POP1: variants seen among roughly 807,000 people sequenced by gnomAD.
The protein encoded by POP1 is POP1 ribonuclease P/MRP subunit.
Under a neutral mutation model 102.2 loss-of-function variants are expected in POP1, and 75 were observed. The ratio of observed to expected loss-of-function variants is 0.73; its 90% confidence interval spans 0.61 to 0.89. The LOEUF (loss-of-function observed/expected upper bound fraction) is 0.89. Among genes scored for constraint, POP1 ranks in the 40% least tolerant of loss-of-function variants. The probability of loss-of-function intolerance (pLI) is 0.00; values close to 1 mark genes in which losing one functional copy is unlikely to be tolerated. For synonymous variants in POP1, 436 were observed against 464.1 expected, an observed-to-expected ratio of 0.94 and a Z score of 0.78; for missense variants, 1,116 against 1,267.4, an observed-to-expected ratio of 0.88 and a Z score of 1.81.
intron 11 of POP1, among the ~76,000 whole-genome samples, chr8:98,146,018 G>A (rs1255449244): frequency 6.6e-6 from 1 of 152,190 alleles, no homozygotes; most frequent in Non-Finnish European, 1.5e-5. Flanking sequence ...GATGATATCT[G>A]TTGGCTCACC....
At chr8:98,155,909 TTGTGTGTGTGTGTGTGTG>T (rs58936294) in intron 14 of POP1, 123 bp from the exon 15 acceptor site, 849 of 519,260 alleles carry the variant, frequency 1.6e-3, no homozygotes, top group African/African-American at 4.9e-3. Context: ...TGGAAAGCTT[TTGTGTGTGTGTGTGTGTG>T]TGTGTGTGTG....
chr8:98,130,965 A>G (rs1816364008), intron 5 of POP1, among the ~76,000 whole-genome samples: 1 of 152,208 alleles, frequency 6.6e-6, no homozygotes, highest in African/African-American at 2.4e-5. Context: ...ACATACTTAG[A>G]CATTTGTTCT....
rs754703161 is a variant in POP1 at position 98,146,619 on chromosome 8, C to T, written c.1646C>T (p.Thr549Met). ...CTGGAGGGTGTGCCTGTGGAATGTA[C>T]GCATAGCTTTATCTGGAACCAAGAT... ...LLLEGVPVECTHSFIWNQDIC... is the reference protein window; with the variant it reads ...LLLEGVPVECMHSFIWNQDIC... The change falls in exon 12 of 16, where the codon ACG becomes ATG. Residue 549 changes from threonine to methionine, a missense_variant. Coordinates refer to ENST00000401707, the MANE Select transcript of POP1 (RefSeq NM_001145860.2). The T allele has an allele frequency of 1.2e-5, 20 of 1,613,828 alleles. No individual in the cohort carries two copies. The highest frequency in any genetic ancestry group is 1.6e-4 in the Middle Eastern group (1 of 6,082).
intron 2 of POP1, among the ~76,000 whole-genome samples, chr8:98,126,854 T>G (rs772120070): frequency 7.2e-5 from 11 of 152,238 alleles, no homozygotes; most frequent in Non-Finnish European, 1.3e-4. Flanking sequence ...ATCCTCAAGA[T>G]ATCTCATTTT....
rs1398737207 is a variant in POP1, at chr8:98,128,385, C to A, written c.331C>A (p.Arg111=). Residue 111 remains arginine (R), a synonymous_variant, in exon 4 of 16, where the codon CGA becomes AGA. Transcript: ENST00000401707. ...YITASTFAQA[R]AAEISAMLKA... ...AACAGCTTCTACTTTTGCTCAAGCA[C>A]GAGCTGCTGAAATCAGTGCTATGTT... The A allele has an allele frequency of 6.2e-7, 1 of 1,614,054 alleles. No individual in the cohort carries two copies. Among genetic ancestry groups the A allele is most frequent in the Non-Finnish European group, 8.5e-7 (1 of 1,180,012 alleles).
At chr8:98,122,763 T>C (rs1290556005) in intron 1 of POP1, among the ~76,000 whole-genome samples, 1 of 152,222 alleles carries the variant, frequency 6.6e-6, no homozygotes, top group African/African-American at 2.4e-5. Flanking sequence ...TAATAGGTTA[T>C]AACATTCATT....
intron 14 of POP1, among the ~76,000 whole-genome samples, chr8:98,154,507 G>A (rs1273262): frequency 6.6e-6 from 1 of 151,388 alleles, no homozygotes; most frequent in African/African-American, 2.5e-5. Flanking sequence ...AGCTGGAGCA[G>A]GTGTTGGCAG....
intron 11 of POP1, among the ~76,000 whole-genome samples, chr8:98,142,609 A>G (rs1816740009): frequency 6.6e-6 from 1 of 152,144 alleles, no homozygotes; most frequent in African/African-American, 2.4e-5. Context: ...AGTATTTGCC[A>G]ATTTGCTTTG....
chr8:98,141,464 T>G (rs1457867971), intron 11 of POP1, among the ~76,000 whole-genome samples: 1 of 152,228 alleles, frequency 6.6e-6, no homozygotes, highest in Non-Finnish European at 1.5e-5. Flanking sequence ...TCATTGTATT[T>G]ACTGTCATTT....
intron 7 of POP1, 73 bp from the exon 8 acceptor site, chr8:98,136,409 A>G: frequency 6.7e-7 from 1 of 1,488,950 alleles, no homozygotes; most frequent in Non-Finnish European, 9.1e-7. Context: ...TTTAAAAAAA[A>G]AAACCCAACT....
At chr8:98,157,520 A>C (rs1465308220) in intron 15 of POP1, 97 bp from the exon 16 acceptor site, 14 of 1,384,896 alleles carry the variant, frequency 1.0e-5, no homozygotes, top group Non-Finnish European at 1.4e-5. Flanking sequence ...ATATAGTATA[A>C]AAGAATCAAA....
chr8:98,127,446 C>A, intron 2 of POP1, 149 bp from the exon 3 acceptor site: 1 of 903,214 alleles, frequency 1.1e-6, no homozygotes, highest in Non-Finnish European at 1.7e-6. Flanking sequence ...ACGTAAGATT[C>A]CTCTTTAAAA....
intron 14 of POP1, among the ~76,000 whole-genome samples, chr8:98,152,442 C>A (rs62522207): frequency 1.3e-5 from 2 of 152,062 alleles, no homozygotes; most frequent in African/African-American, 4.8e-5. Context: ...GTGGAGCCCT[C>A]GGTCTCCATG....
chr8:98,154,499 C>G (rs1586252713), intron 14 of POP1, among the ~76,000 whole-genome samples: 1 of 151,688 alleles, frequency 6.6e-6, no homozygotes, highest in South Asian at 2.1e-4. Flanking sequence ...CAGTTTGAAG[C>G]TGGAGCAGGT....
chr8:98,151,276 T>C (rs957281290), intron 14 of POP1, among the ~76,000 whole-genome samples: 2 of 152,142 alleles, frequency 1.3e-5, no homozygotes, highest in Non-Finnish European at 2.9e-5. Flanking sequence ...GAGACGGGGT[T>C]TCACCATGTT....
At chr8:98,146,797 G>A (rs1816856744) in intron 12 of POP1, 114 bp downstream of exon 12, 1 of 825,478 alleles carries the variant, frequency 1.2e-6, no homozygotes, top group Admixed American at 2.0e-5. Flanking sequence ...ACTTTCTTTT[G>A]TTTTCAAACA....
rs1294713823 is a variant in POP1 at position 98,134,038 on chromosome 8, T to C, written c.823+2T>C. 2 of 1,598,070 alleles carry C rather than the reference T, an allele frequency of 1.3e-6. No individual in the cohort carries two copies. Among genetic ancestry groups the C allele is most frequent in the African/African-American group, 1.3e-5 (1 of 74,558 alleles). ...CTGGAATGTGTAACATAGACACAGG[T>C]AAACTTGTTTTAAAGCTGAGTTCTA... On this transcript the variant is annotated splice_donor_variant, in intron 6 of 15. Coordinates refer to ENST00000401707, the MANE Select transcript of POP1 (RefSeq NM_001145860.2). LOFTEE classifies it high-confidence loss of function.
chr8:98,136,885 A>G lies in POP1; in HGVS notation c.1293A>G (p.Arg431=), dbSNP rs1343324436. ...GCGATTTGACGATGGAGATGAACAG[A>G]TTCCGGCTGATTGGGCCACTTTCCC... is the stretch of plus-strand genomic sequence containing the variant. ...IISDLTMEMN[R]FRLIGPLSHS... The change falls in exon 9 of 16, where the codon AGA becomes AGG. Residue 431 remains arginine, a synonymous_variant. Transcript: ENST00000401707. 2 of 1,614,026 alleles carry G rather than the reference A, an allele frequency of 1.2e-6. No individual in the cohort carries two copies. Among genetic ancestry groups the G allele is most frequent in the African/African-American group, 1.3e-5 (1 of 75,056 alleles).
At chr8:98,137,354 A>G (rs118166746) in intron 9 of POP1, among the ~76,000 whole-genome samples, 10,982 of 151,802 alleles carry the variant, frequency 0.072, 610 homozygotes, top group Middle Eastern at 0.16. Context: ...CCAGGCTGGA[A>G]TGCAGTGGTG....
Sources: gnomAD v4.1 joint callset for allele counts (sites outside exome capture counted in the v4.1 genomes callset) on GRCh38, gnomAD v4.1.1 for gene constraint, MANE v1.5 for transcripts, NCBI Gene and HGNC (gene_info 2026-07-23, HGNC 2026-07-21) for gene names.